The following SFI1 variants were observed in gnomAD, a reference collection of about 807,000 sequenced individuals.
SFI1 encodes the protein SFI1 centrin binding protein.
In SFI1, 195 loss-of-function variants were observed where a neutral mutation model predicts 207.5. The observed-to-expected ratio is 0.94, with a 90% CI of 0.84 to 1.06. The LOEUF (loss-of-function observed/expected upper bound fraction) is 1.06. Among genes scored for constraint, SFI1 ranks in the 50% least tolerant of loss-of-function variants. The pLI is 0.00. For missense variants in SFI1, 1,634 were observed against 1,588.0 expected (o/e 1.03, Z -0.49); for synonymous variants, 630 against 598.9 (o/e 1.05, Z -0.76).
rs61730168 is a variant in SFI1 at position 31,607,945 on chromosome 22, C to G, written c.2166C>G (p.Val722=). Reference sequence around the variant, plus strand: ...TCCTTGCCTGCCCATAGGTCCTGGTCCAGTGGCGGGAAGCTGTGTCAGTGC... The same window carrying G: ...TCCTTGCCTGCCCATAGGTCCTGGTGCAGTGGCGGGAAGCTGTGTCAGTGC... The part of the protein sequence containing the change: ...YRRTICSKVL[V]QWREAVSVQM... The change falls in exon 22 of 33, where the codon GTC becomes GTG. Residue 722 remains valine (V), a synonymous_variant. Coordinates refer to ENST00000400288, the MANE Select transcript of SFI1 (RefSeq NM_001007467.3). 7.5e-4 allele frequency: 1,203 copies of G among 1,613,768 alleles called. 11 individuals are homozygous for G. In the African/African-American group the frequency reaches 0.014, roughly 19 times the overall value.
intron 1 of SFI1, among the ~76,000 whole-genome samples, chr22:31,504,609 C>T (rs559496571): frequency 1.5e-4 from 23 of 152,228 alleles, no homozygotes; most frequent in Middle Eastern, 3.4e-3. Flanking sequence ...TACCACAAAC[C>T]GGGTGGCTTA....
chr22:31,568,785 G>A (rs1602944724), intron 8 of SFI1, among the ~76,000 whole-genome samples: 1 of 152,036 alleles, frequency 6.6e-6, no homozygotes, highest in African/African-American at 2.4e-5. Context: ...CAGGGCTTAA[G>A]ATAGAAAAGT....
At chr22:31,553,809 G>GTCCA (rs1229661403) in intron 6 of SFI1, among the ~76,000 whole-genome samples, 3 of 98,278 alleles carry the variant, frequency 3.1e-5, no homozygotes, top group Non-Finnish European at 4.3e-5. Flanking sequence ...TTTTGATGAA[G>GTCCA]TCCATTCTAT....
intron 14 of SFI1, among the ~76,000 whole-genome samples, chr22:31,585,898 C>G (rs755949677): frequency 6.6e-6 from 1 of 152,178 alleles, no homozygotes; most frequent in Non-Finnish European, 1.5e-5. Flanking sequence ...CAGAGGAAGA[C>G]ACAAACCAAA....
intron 24 of SFI1, chr22:31,612,857 C>A: frequency 4.4e-6 from 2 of 454,092 alleles, no homozygotes; most frequent in South Asian, 3.4e-5. Context: ...TCTTCCCGTT[C>A]TGTTGTCCTG....
At chr22:31,598,716 C>CTTTTTTTTTTTTTTTTTTTTTT (rs71184513) in intron 15 of SFI1, among the ~76,000 whole-genome samples, 1 of 26,888 alleles carries the variant, frequency 3.7e-5, no homozygotes, top group Non-Finnish European at 6.8e-5. Context: ...TGCGCCTGGC[C>CTTTTTTTTTTTTTTTTTTTTTT]TTTTTTTTTT....
chr22:31,497,667 GACGAAGCTAGAAA>G (rs2052935967), intron 1 of SFI1, among the ~76,000 whole-genome samples: 1 of 13,678 alleles, frequency 7.3e-5, no homozygotes, highest in South Asian at 1.4e-3. Flanking sequence ...AGCTAGAAAT[GACGAAGCTAGAAA>G]TGACGAAGCT....
chr22:31,589,299 G>C, intron 14 of SFI1, 148 bp from the exon 15 acceptor site: 1 of 826,760 alleles, frequency 1.2e-6, no homozygotes, highest in South Asian at 2.5e-5. Flanking sequence ...TTTTCACCTA[G>C]CATATTGGCA....
chr22:31,604,821 G>A lies in SFI1; in HGVS notation c.1978-48G>A, dbSNP rs752264021. 5.5e-5 allele frequency: 86 copies of A among 1,555,164 alleles called. No individual in the cohort carries two copies. The Admixed American group carries it at 1.5e-3, about 26-fold the overall frequency. ...CACCTCTGAGGCCTGCCTAAACAGG[G>A]GGAAGTGTGGGCCCAAGAGCAGCCT... On this transcript the variant is annotated intron_variant, in intron 19 of 32. Transcript: ENST00000400288.
chr22:31,530,089 G>A (rs1006909018), intron 3 of SFI1, among the ~76,000 whole-genome samples: 2 of 141,106 alleles, frequency 1.4e-5, no homozygotes, highest in Admixed American at 7.6e-5. Flanking sequence ...GGAGAATGGC[G>A]TGAACCCAGG....
chr22:31,554,044 C>T (rs2060920271), intron 6 of SFI1, among the ~76,000 whole-genome samples: 1 of 150,984 alleles, frequency 6.6e-6, no homozygotes, highest in South Asian at 2.1e-4. Context: ...TGCTTTGTTG[C>T]CCAGGCTGGT....
chr22:31,501,678 T>C (rs983347555), intron 1 of SFI1, among the ~76,000 whole-genome samples: 3 of 152,200 alleles, frequency 2.0e-5, no homozygotes, highest in Non-Finnish European at 4.4e-5. Context: ...AGGTAGTTCA[T>C]GAAAAGTGCT....
chr22:31,611,426 G>A (rs2070118695), intron 23 of SFI1, 123 bp downstream of exon 23: 1 of 1,231,600 alleles, frequency 8.1e-7, no homozygotes, highest in Non-Finnish European at 1.1e-6. Flanking sequence ...TATGAGTGGT[G>A]GGTGGTTTGG....
At chr22:31,574,382 G>A (rs546561570) in intron 9 of SFI1, among the ~76,000 whole-genome samples, 1 of 152,254 alleles carries the variant, frequency 6.6e-6, no homozygotes, top group East Asian at 1.9e-4. Flanking sequence ...TCAAATTCCA[G>A]GTCTGATTCC....
intron 6 of SFI1, among the ~76,000 whole-genome samples, chr22:31,551,624 T>G (rs1246463313): frequency 6.6e-6 from 1 of 152,218 alleles, no homozygotes; most frequent in East Asian, 1.9e-4. Context: ...AGAGATGGGC[T>G]TTTGCCATGT....
chr22:31,501,273 G>A (rs1001916401), intron 1 of SFI1, among the ~76,000 whole-genome samples: 1 of 151,258 alleles, frequency 6.6e-6, no homozygotes, highest in Non-Finnish European at 1.5e-5. Flanking sequence ...CTGGGTTCAC[G>A]CCATTCTCCT....
At position 31,512,317 on chromosome 22, in the gene SFI1, TGCACTCCAGCCAGG is replaced by T. The variant is rs2055706806; in HGVS notation, c.92+3945_92+3958del. Among the ~76,000 whole-genome samples the T allele has an allele frequency of 2.7e-5, 4 of 148,922 alleles. No individual in the cohort carries two copies. The Admixed American group carries it at 2.7e-4, about 10-fold the overall frequency. Reference sequence around the variant, plus strand: ...TTGCGGTAAGCTGAGATTGTGCCATTGCACTCCAGCCAGGGCAATAACAGCGAAACTCCATCTCA... The same window carrying T: ...TTGCGGTAAGCTGAGATTGTGCCATTGCAATAACAGCGAAACTCCATCTCA... On this transcript the variant is annotated intron_variant, in intron 2 of 32. Coordinates refer to ENST00000400288, the MANE Select transcript of SFI1 (RefSeq NM_001007467.3).
At chr22:31,592,834 G>A (rs1261944304) in intron 15 of SFI1, among the ~76,000 whole-genome samples, 7 of 131,190 alleles carry the variant, frequency 5.3e-5, no homozygotes, top group South Asian at 2.3e-4. Flanking sequence ...CCTCCCGGAC[G>A]GGGCGGCTGG....
chr22:31,611,405 C>T, intron 23 of SFI1, 102 bp downstream of exon 23: 1 of 1,372,688 alleles, frequency 7.3e-7, no homozygotes, highest in Admixed American at 2.7e-5. Context: ...GACAGCACTC[C>T]ATGCAGCCGG....
Sources: allele counts gnomAD v4.1 joint callset (sites outside exome capture counted in the v4.1 genomes callset), GRCh38; gene constraint gnomAD v4.1.1; transcripts MANE v1.5; gene names NCBI Gene and HGNC (gene_info 2026-07-23, HGNC 2026-07-21).